DHX34: variants seen among roughly 807,000 people sequenced by gnomAD.
The protein encoded by DHX34 is DExH-box helicase 34.
DHX34 carries 96 observed loss-of-function variants against 111.1 expected under a neutral mutation model. The observed-to-expected ratio is 0.86, with a 90% CI of 0.73 to 1.02. DHX34 has a LOEUF of 1.02. DHX34 is among the 50% of genes least tolerant of loss of function. DHX34 has a pLI of 0.00. For synonymous variants in DHX34, 688 were observed against 670.4 expected, an observed-to-expected ratio of 1.03 and a Z score of -0.41; for missense variants, 1,560 against 1,579.9, an observed-to-expected ratio of 0.99 and a Z score of 0.21.
intron 6 of DHX34, among the ~76,000 whole-genome samples, chr19:47,362,927 C>T (rs1211227194): frequency 2.6e-5 from 4 of 152,022 alleles, no homozygotes; most frequent in East Asian, 1.9e-4. Flanking sequence ...CACACCACCA[C>T]GCTTGGCTAA....
intron 4 of DHX34, among the ~76,000 whole-genome samples, chr19:47,358,456 G>GTTTTT (rs34363653): frequency 1.2e-4 from 17 of 143,400 alleles, no homozygotes; most frequent in African/African-American, 3.6e-4. Context: ...TTCCAAAACA[G>GTTTTT]TTTTTTTTTT....
At chr19:47,379,403 T>C (rs1970277307) in intron 13 of DHX34, among the ~76,000 whole-genome samples, 1 of 152,150 alleles carries the variant, frequency 6.6e-6, no homozygotes, top group South Asian at 2.1e-4. Context: ...TCCCTGCACG[T>C]CGTGTGTGTC....
In DHX34 at chr19:47,375,500, C is replaced by T. The variant is rs758119191; in HGVS notation, c.2099C>T (p.Ala700Val). The change falls in exon 10 of 17, where the codon GCC becomes GTC. Residue 700 changes from alanine (A) to valine (V), a missense_variant. By Grantham distance (64) the Ala-to-Val change is moderately conservative. Transcript: ENST00000328771. Reference sequence around the variant, plus strand: ...GAGGACCACGGGCTGCTGGCTGGGGCCCAGGCCGCGCAGGTAGGGGACAGC... The same window carrying T: ...GAGGACCACGGGCTGCTGGCTGGGGTCCAGGCCGCGCAGGTAGGGGACAGC... ...LLEDHGLLAG[A>V]QAAQVGDSYS... is the part of the protein sequence containing the mutation. 5 of 1,575,812 alleles carry T rather than the reference C, an allele frequency of 3.2e-6. No individual in the cohort carries two copies. The highest frequency in any genetic ancestry group is 4.3e-6 in the Non-Finnish European group (5 of 1,167,402).
intron 1 of DHX34, among the ~76,000 whole-genome samples, chr19:47,352,078 C>A (rs368344574): frequency 2.6e-5 from 4 of 152,326 alleles, no homozygotes; most frequent in African/African-American, 9.6e-5. Context: ...CCTGTGGAGA[C>A]AAGGTTCTGC....
At chr19:47,370,464 A>G (rs1022575878) in intron 7 of DHX34, among the ~76,000 whole-genome samples, 1 of 152,084 alleles carries the variant, frequency 6.6e-6, no homozygotes, top group Non-Finnish European at 1.5e-5. Flanking sequence ...TCACTGACTG[A>G]GGCTTGTTCA....
At chr19:47,364,385 C>G (rs1969728400) in intron 6 of DHX34, among the ~76,000 whole-genome samples, 1 of 151,990 alleles carries the variant, frequency 6.6e-6, no homozygotes, top group Admixed American at 6.6e-5. Flanking sequence ...AACCAGTGGC[C>G]TTCCTGCAGG....
chr19:47,362,585 G>A lies in DHX34; in HGVS notation c.1485G>A (p.Thr495=), dbSNP rs1490548648. The A allele has an allele frequency of 6.8e-6, 11 of 1,613,636 alleles. No individual in the cohort carries two copies. Among genetic ancestry groups the A allele is most frequent in the East Asian group, 2.2e-5 (1 of 44,820 alleles). Residue 495 remains threonine, a synonymous_variant, in exon 6 of 17, where the codon ACG becomes ACA. Transcript: ENST00000328771. ...AGCGGAAGGGCCGGGCGGGCCGCAC[G>A]GGCCCCGGAGTCTGCTTCCGCCTCT... is the stretch of plus-strand genomic sequence containing the variant. ...AEQRKGRAGR[T]GPGVCFRLYA...
chr19:47,381,916 T>G, intron 16 of DHX34, 64 bp from the exon 17 acceptor site: 3 of 1,603,718 alleles, frequency 1.9e-6, no homozygotes, highest in Non-Finnish European at 2.5e-6. Flanking sequence ...GCCTGGCATT[T>G]GGGTGCAGGT....
At chr19:47,381,587 G>C (rs1970361152) in intron 16 of DHX34, 7 of 597,064 alleles carry the variant, frequency 1.2e-5, no homozygotes, top group Middle Eastern at 4.4e-4. Context: ...CTGTCTCTCT[G>C]TGGCTATGTC....
chr19:47,353,249 CA>C lies in DHX34; in HGVS notation c.221del (p.Lys74ArgfsTer102). 3 of 1,614,172 alleles carry C rather than the reference CA, an allele frequency of 1.9e-6. No homozygotes were observed. Among genetic ancestry groups the C allele is most frequent in the Non-Finnish European group, 2.5e-6 (3 of 1,180,026 alleles). On this transcript the variant is annotated frameshift_variant, in exon 2 of 17. Transcript: ENST00000328771. LOFTEE classifies it high-confidence loss of function. The surrounding 1 kb of genome is among the most constrained non-coding windows in gnomAD (Gnocchi z 4.6). ...AACGCCTGCAGAGATTCCAGAATCT[CA>C]AGACCTCCAGGAAGGAGGAGAAAGA... ...FERLQRFQNL[K>X]TSRKEEKDPG...
rs140418225 is a variant in DHX34 at position 47,352,795 on chromosome 19, C to T, written c.-236C>T. The stretch of plus-strand genomic sequence containing the variant: ...ACCCAGAATGAACTTGTGTCCATCC[C>T]AGAGATCACTGCAGATGTCATGAGG... On this transcript the variant is annotated 5_prime_UTR_variant, in exon 2 of 17. An upstream open reading frame in the 5' UTR gains an earlier in-frame stop. Coordinates refer to ENST00000328771, the MANE Select transcript of DHX34 (RefSeq NM_014681.6). 4 of 678,410 alleles carry T rather than the reference C, an allele frequency of 5.9e-6. No homozygotes were observed. In the East Asian group the frequency reaches 1.2e-4, roughly 20 times the overall value. 42.0% of individuals were successfully genotyped at this position (678,410 alleles called of 1,614,324 possible). A position where few individuals can be genotyped will look rare whatever the true frequency, so the allele number is the denominator to read the frequency against.
rs771601393 is a variant in DHX34 at position 47,372,804 on chromosome 19, C to T, written c.1843C>T (p.Gln615Ter). The T allele has an allele frequency of 9.9e-6, 16 of 1,613,060 alleles. No individual in the cohort carries two copies. The highest frequency in any genetic ancestry group is 3.3e-5 in the Admixed American group (2 of 59,978). The change falls in exon 8 of 17, where the codon CAG becomes TAG. Residue 615 changes from glutamine (Q) to a stop codon, truncating the protein, a stop_gained. Coordinates refer to ENST00000328771, the MANE Select transcript of DHX34 (RefSeq NM_014681.6). LOFTEE classifies it high-confidence loss of function. ...CACCATCGCAGCCGCACTTAGCGTC[C>T]AGTCGCCCTTCACCCGCAGCGCCCA... ...VLTIAAALSV[Q>*]SPFTRSAQSS...
rs1302301417 is a variant in DHX34 at position 47,353,602 on chromosome 19, A to G, written c.572A>G (p.Lys191Arg). The G allele has an allele frequency of 6.2e-7, 1 of 1,613,246 alleles. No individual in the cohort carries two copies. ...VVVAGDTGCG[K>R]STQVPQYLLA... Reference sequence around the variant, plus strand: ...GTGGCCGGTGACACCGGCTGTGGCAAGTCCACTCAGGTGCCCCAGTACCTG... The same window carrying G: ...GTGGCCGGTGACACCGGCTGTGGCAGGTCCACTCAGGTGCCCCAGTACCTG... Residue 191 changes from lysine to arginine, a missense_variant, in exon 2 of 17, where the codon AAG becomes AGG. Transcript: ENST00000328771. This position sits in a 1 kb window ranked among gnomAD's most constrained non-coding sequence, Gnocchi z 4.6.
At position 47,362,611 on chromosome 19, in the gene DHX34, A is replaced by T. The variant is rs370425438; in HGVS notation, c.1511A>T (p.Tyr504Phe). The change falls in exon 6 of 17, where the codon TAT becomes TTT. Residue 504 changes from tyrosine (Y) to phenylalanine (F), a missense_variant. Physicochemically the swap from Tyr to Phe is conservative, Grantham distance 22 (BLOSUM62 3). Transcript: ENST00000328771. ...RTGPGVCFRL[Y>F]AESDYDAFAP... The stretch of plus-strand genomic sequence containing the variant: ...GGCCCCGGAGTCTGCTTCCGCCTCT[A>T]TGCCGAATCGGACTATGATGCCTTC... The T allele has an allele frequency of 6.2e-7, 1 of 1,613,832 alleles. No homozygotes were observed. Among genetic ancestry groups the T allele is most frequent in the Non-Finnish European group, 8.5e-7 (1 of 1,180,010 alleles).
intron 5 of DHX34, among the ~76,000 whole-genome samples, chr19:47,361,606 C>T (rs1406886106): frequency 6.6e-6 from 1 of 152,032 alleles, no homozygotes; most frequent in East Asian, 1.9e-4. Context: ...TGGTGAAACC[C>T]CATCTCTACT....
intron 9 of DHX34, 47 bp from the exon 10 acceptor site, chr19:47,375,419 C>G (rs1191766402): frequency 6.6e-7 from 1 of 1,524,640 alleles, no homozygotes; most frequent in Non-Finnish European, 8.7e-7. Flanking sequence ...AGTCCAGAGC[C>G]CACTGAGTCT....
Position 47,381,247 on chromosome 19 carries a change from T to C in DHX34, c.3221T>C (p.Leu1074Pro). The C allele has an allele frequency of 6.2e-7, 1 of 1,614,102 alleles. No individual in the cohort carries two copies. Among genetic ancestry groups the C allele is most frequent in the Non-Finnish European group, 8.5e-7 (1 of 1,179,960 alleles). The part of the protein sequence containing the change: ...RTFWTCPHCG[L>P]HAPLTPLERI... Reference sequence around the variant, plus strand: ...TTCTGGACCTGCCCCCACTGTGGCCTGCATGCGCCCCTCACGCCCCTGGAG... The same window carrying C: ...TTCTGGACCTGCCCCCACTGTGGCCCGCATGCGCCCCTCACGCCCCTGGAG... The change falls in exon 16 of 17, where the codon CTG becomes CCG. Residue 1074 changes from leucine to proline, a missense_variant. Coordinates refer to ENST00000328771, the MANE Select transcript of DHX34 (RefSeq NM_014681.6).
At chr19:47,374,019 G>A (rs1294965773) in intron 9 of DHX34, among the ~76,000 whole-genome samples, 3 of 152,264 alleles carry the variant, frequency 2.0e-5, no homozygotes, top group Non-Finnish European at 2.9e-5. Flanking sequence ...GTGGTTGGCC[G>A]GCACATCTGG....
At position 47,355,118 on chromosome 19, in the gene DHX34, G is replaced by A. The variant is rs758293505; in HGVS notation, c.785G>A (p.Arg262Gln). 21 of 1,613,812 alleles carry A rather than the reference G, an allele frequency of 1.3e-5. No individual in the cohort carries two copies. The South Asian group carries it at 2.1e-4, about 16-fold the overall frequency. Residue 262 changes from arginine (R) to glutamine (Q), a missense_variant, in exon 3 of 17, where the codon CGA becomes CAA. Arg to Gln is a conservative substitution (Grantham distance 43). Transcript: ENST00000328771. ...TTCCTGACAGTGGGGCTGCTCCTGC[G>A]ACAAATCCAGCGGGAACCCAGCCTG... ...IVFLTVGLLL[R>Q]QIQREPSLPQ... is the part of the protein sequence containing the mutation.
Sources: gnomAD v4.1 joint callset for allele counts (sites outside exome capture counted in the v4.1 genomes callset) on GRCh38, gnomAD v4.1.1 for gene constraint, Gnocchi (gnomAD v3.1) non-coding constraint, MANE v1.5 for transcripts, NCBI Gene and HGNC (gene_info 2026-07-23, HGNC 2026-07-21) for gene names.